Variants in VEPH1 observed in about 807,000 individuals in gnomAD.
The protein encoded by VEPH1 is ventricular zone-expressed PH domain-containing protein homolog 1.
Under a neutral mutation model 85.2 loss-of-function variants are expected in VEPH1, and 80 were observed. The ratio of observed to expected loss-of-function variants is 0.94; its 90% CI spans 0.78 to 1.13. VEPH1 has a LOEUF of 1.13. VEPH1 is among the 50% of genes most tolerant of loss of function. VEPH1 has a pLI of 0.00. For missense variants in VEPH1, 955 were observed against 980.5 expected (o/e 0.97, Z 0.35); for synonymous variants, 297 against 348.0 (o/e 0.85, Z 1.63).
chr3:157,356,238 CA>C (rs1305252177), intron 9 of VEPH1, among the ~76,000 whole-genome samples: 1 of 151,750 alleles, frequency 6.6e-6, no homozygotes, highest in African/African-American at 2.4e-5. Context: ...ACAACAACAA[CA>C]AAAAAACAAA....
intron 6 of VEPH1, among the ~76,000 whole-genome samples, chr3:157,382,480 A>T (rs979871572): frequency 6.6e-6 from 1 of 152,238 alleles, no homozygotes; most frequent in Non-Finnish European, 1.5e-5. Context: ...GCCCAATAGA[A>T]ATAATGATAT....
intron 6 of VEPH1, 89 bp from the exon 7 acceptor site, chr3:157,381,465 G>A: frequency 1.5e-6 from 2 of 1,372,690 alleles, no homozygotes; most frequent in Non-Finnish European, 2.0e-6. Context: ...AGCACTTTGG[G>A]AGGCTGAGGT....
intron 3 of VEPH1, among the ~76,000 whole-genome samples, chr3:157,466,858 A>C (rs1268396331): frequency 6.6e-6 from 1 of 152,246 alleles, no homozygotes; most frequent in African/African-American, 2.4e-5. Flanking sequence ...ATATGGCCCA[A>C]GGCCAAAAAA....
intron 9 of VEPH1, among the ~76,000 whole-genome samples, chr3:157,321,948 C>A (rs1273661129): frequency 6.6e-6 from 1 of 151,904 alleles, no homozygotes; most frequent in East Asian, 1.9e-4. Flanking sequence ...ATATAATTTA[C>A]CACTTTATGG....
intron 9 of VEPH1, among the ~76,000 whole-genome samples, chr3:157,328,525 C>T (rs1234529276): frequency 1.3e-5 from 2 of 152,128 alleles, no homozygotes; most frequent in Non-Finnish European, 2.9e-5. Context: ...AAATCCCATT[C>T]TATACAATGA....
intron 11 of VEPH1, among the ~76,000 whole-genome samples, chr3:157,289,520 T>C (rs1331472197): frequency 1.3e-5 from 2 of 152,350 alleles, no homozygotes; most frequent in Middle Eastern, 3.4e-3. Context: ...ATGAAACACA[T>C]ATAGTTTCCA....
chr3:157,314,079 T>A (rs550619424), intron 10 of VEPH1, among the ~76,000 whole-genome samples: 1 of 151,986 alleles, frequency 6.6e-6, no homozygotes, highest in East Asian at 1.9e-4. Context: ...ATGTCTGTAA[T>A]CCCAGCACTT....
At chr3:157,269,642 G>GTTT (rs11408861) in intron 12 of VEPH1, among the ~76,000 whole-genome samples, 19,309 of 114,878 alleles carry the variant, frequency 0.17, 1,546 homozygotes, top group Non-Finnish European at 0.22. Context: ...TGTTTTTGTT[G>GTTT]TTTTTTTTTT....
rs950330331 is a variant in VEPH1, at chr3:157,428,401, A to T, written c.617T>A (p.Leu206Ter). 88 of 1,614,126 alleles carry T rather than the reference A, an allele frequency of 5.5e-5. No individual in the cohort carries two copies. Among genetic ancestry groups the T allele is most frequent in the Non-Finnish European group, 7.4e-5 (87 of 1,180,002 alleles). The change falls in exon 5 of 14, where the codon TTG (leucine) becomes TAG (stop). Residue 206 changes from leucine (L) to a stop codon, truncating the protein, a stop_gained. Coordinates refer to ENST00000362010, the MANE Select transcript of VEPH1 (RefSeq NM_001167912.2). LOFTEE classifies it high-confidence loss of function. ...TTCTGGCTGTTCCAGCTGAGACATC[A>T]AGGCCAGGAGTTCTGTCAGGTGTCT... ...INRHLTELLA[L>*]MSQLEQPEQY...
intron 7 of VEPH1, among the ~76,000 whole-genome samples, chr3:157,376,803 TA>T (rs1728172183): frequency 6.6e-6 from 1 of 152,232 alleles, no homozygotes; most frequent in South Asian, 2.1e-4. Context: ...GCCTGAAGTC[TA>T]AAATCTGGCC....
rs879478440 is a variant in VEPH1, at chr3:157,481,864, TAGTTTTTGACTTTGTCAAAACATTGCTA to T, written c.139-11363_139-11336del. ...AATAGGGTATCCTTTCCTCATTGCTTAGTTTTTGACTTTGTCAAAACATTGCTAAGTTTTTGACTTTGTCAAAACATTG... is the reference window on the plus strand; with the variant it reads ...AATAGGGTATCCTTTCCTCATTGCTTAGTTTTTGACTTTGTCAAAACATTG... On this transcript the variant is annotated intron_variant, in intron 2 of 13. Transcript: ENST00000362010. 8.6e-3 allele frequency among the ~76,000 whole-genome samples: 1,313 copies of T among 152,184 alleles called. 6 individuals carry two copies. The highest frequency in any genetic ancestry group is 0.011 in the Non-Finnish European group (722 of 67,966).
chr3:157,306,317 T>G (rs1235199108), intron 11 of VEPH1, among the ~76,000 whole-genome samples: 1 of 152,134 alleles, frequency 6.6e-6, no homozygotes, highest in Non-Finnish European at 1.5e-5. Context: ...TATAGTGTAT[T>G]TTTATCATAA....
chr3:157,378,700 T>C (rs1400497422), intron 7 of VEPH1, among the ~76,000 whole-genome samples: 1 of 152,194 alleles, frequency 6.6e-6, no homozygotes, highest in African/African-American at 2.4e-5. Context: ...TTGACTTTGA[T>C]GACACTATTG....
At chr3:157,383,685 T>A (rs1484605655) in intron 6 of VEPH1, among the ~76,000 whole-genome samples, 1 of 152,184 alleles carries the variant, frequency 6.6e-6, no homozygotes, top group African/African-American at 2.4e-5. Flanking sequence ...GTGTCCTGTA[T>A]GGGTATGTGA....
chr3:157,299,563 A>G (rs1343422362), intron 11 of VEPH1, among the ~76,000 whole-genome samples: 11 of 118,774 alleles, frequency 9.3e-5, no homozygotes, highest in Admixed American at 8.9e-4. Flanking sequence ...CTGTCTCAAA[A>G]AAAAAAAAAA....
intron 2 of VEPH1, among the ~76,000 whole-genome samples, chr3:157,490,639 G>T (rs141317516): frequency 6.6e-6 from 1 of 152,230 alleles, no homozygotes; most frequent in East Asian, 1.9e-4. Context: ...AGGATATAAA[G>T]CAACTGGAAC....
intron 5 of VEPH1, among the ~76,000 whole-genome samples, chr3:157,414,804 A>G (rs946483941): frequency 6.6e-5 from 10 of 152,188 alleles, no homozygotes; most frequent in African/African-American, 2.4e-4. Flanking sequence ...TAGAAGAACT[A>G]GAAAGGGAAA....
In VEPH1 at chr3:157,489,712, C is replaced by CT. The variant is rs35342499; in HGVS notation, c.138+5499dup. Among the ~76,000 whole-genome samples the CT allele has an allele frequency of 3.7e-4, 55 of 148,272 alleles. 1 individual carries two copies. Among genetic ancestry groups the CT allele is most frequent in the South Asian group, 1.5e-3 (7 of 4,704 alleles). Reference sequence around the variant, plus strand: ...CAATTAAATGGATGATGTCAGAGGGCTTTTTTTTTTTGTCTTTTTTGATTA... The same window carrying CT: ...CAATTAAATGGATGATGTCAGAGGGCTTTTTTTTTTTTGTCTTTTTTGATTA... On this transcript the variant is annotated intron_variant, in intron 2 of 13. Transcript: ENST00000362010.
intron 1 of VEPH1, among the ~76,000 whole-genome samples, chr3:157,499,928 G>T (rs1739969377): frequency 6.6e-6 from 1 of 152,196 alleles, no homozygotes; most frequent in African/African-American, 2.4e-5. Context: ...TGGAAACACT[G>T]AGTGTTCGTC....
Sources: gnomAD v4.1 joint callset for allele counts (sites outside exome capture counted in the v4.1 genomes callset) on GRCh38, gnomAD v4.1.1 for gene constraint, MANE v1.5 for transcripts, NCBI Gene and HGNC (gene_info 2026-07-23, HGNC 2026-07-21) for gene names.